NOD1: variants seen among roughly 807,000 people sequenced by gnomAD.
NOD1 encodes the protein nucleotide binding oligomerization domain containing 1.
NOD1 carries 70 observed loss-of-function variants against 81.2 expected under a neutral mutation model. The observed-to-expected ratio is 0.86, with a 90% CI of 0.71 to 1.05. The LOEUF (loss-of-function observed/expected upper bound fraction) is 1.05. Among genes scored for constraint, NOD1 ranks in the 50% least tolerant of loss-of-function variants. The pLI, the probability that NOD1 is intolerant of heterozygous loss-of-function variation, is 0.00. For synonymous variants in NOD1, 508 were observed against 526.9 expected (o/e 0.96, Z 0.49); for missense variants, 1,233 against 1,228.0 (o/e 1.00, Z -0.06).
chr7:30,470,780 G>C (rs1378120576), intron 1 of NOD1, among the ~76,000 whole-genome samples: 4 of 152,078 alleles, frequency 2.6e-5, no homozygotes, highest in African/African-American at 9.7e-5. Context: ...ATCTCTGAGG[G>C]GCCAGTGAAT....
chr7:30,448,046 C>T (rs1785292118), intron 7 of NOD1: 1 of 491,758 alleles, frequency 2.0e-6, no homozygotes, highest in Non-Finnish European at 3.6e-6. Flanking sequence ...CGTTGCATCC[C>T]CCAATAACCA....
chr7:30,447,303 A>G lies in NOD1; in HGVS notation c.2286-253T>C, dbSNP rs545512980. The G allele has an allele frequency of 9.1e-4, 481 of 531,020 alleles. 2 individuals carry two copies. Among genetic ancestry groups the G allele is most frequent in the South Asian group, 6.8e-3 (341 of 50,396 alleles). The allele number at this position is 531,020 out of a possible 1,614,324, so 32.9% of individuals were successfully genotyped here. The stretch of plus-strand genomic sequence containing the variant: ...CTCAGTTTCTCCATCTGTAATACAG[A>G]GGTAATGATGATAGTCCCCTTGCAG... On this transcript the variant is annotated intron_variant, in intron 7 of 13. Coordinates refer to ENST00000222823, the MANE Select transcript of NOD1 (RefSeq NM_006092.4).
intron 2 of NOD1, 81 bp downstream of exon 2, chr7:30,459,820 G>A (rs1052850910): frequency 1.3e-5 from 2 of 152,626 alleles, no homozygotes; most frequent in Non-Finnish European, 2.9e-5. Flanking sequence ...TTAGAAAGCT[G>A]GGAAGGGGTG....
At chr7:30,437,015 A>T (rs534970235) in intron 10 of NOD1, among the ~76,000 whole-genome samples, 4 of 152,224 alleles carry the variant, frequency 2.6e-5, no homozygotes, top group Non-Finnish European at 5.9e-5. Context: ...AAAATGTGGC[A>T]CATACACACT....
chr7:30,438,186 C>G (rs567284942), intron 9 of NOD1, among the ~76,000 whole-genome samples: 1 of 152,198 alleles, frequency 6.6e-6, no homozygotes, highest in Non-Finnish European at 1.5e-5. Flanking sequence ...GAGGACGTTA[C>G]CCAACCAAGC....
At position 30,451,875 on chromosome 7, in the gene NOD1, C is replaced by T. The variant is rs1785758271; in HGVS notation, c.1542G>A (p.Glu514=). 5.0e-6 allele frequency: 8 copies of T among 1,613,734 alleles called. No individual in the cohort carries two copies. In the East Asian group the frequency reaches 6.7e-5, roughly 13 times the overall value. ...AGGCCTGGAGGGTGAGGTGGAAAAA[C>T]TCATAGGACTGCTGGTCACCCCCGG... The part of the protein sequence containing the change: ...LGPGGDQQSY[E]FFHLTLQAFF... The change falls in exon 6 of 14, where the codon GAG becomes GAA. Residue 514 remains glutamate (E), a synonymous_variant. Transcript: ENST00000222823. The surrounding 1 kb of genome is among the most constrained non-coding windows in gnomAD (Gnocchi z 4.2).
intron 9 of NOD1, among the ~76,000 whole-genome samples, chr7:30,438,182 G>A (rs1163307852): frequency 1.3e-5 from 2 of 152,194 alleles, no homozygotes; most frequent in Admixed American, 6.5e-5. Context: ...TAAAGAGGAC[G>A]TTACCCAACC....
At chr7:30,461,305 G>A (rs759222588) in intron 1 of NOD1, among the ~76,000 whole-genome samples, 2 of 152,036 alleles carry the variant, frequency 1.3e-5, no homozygotes, top group South Asian at 4.1e-4. Flanking sequence ...CGCCTCCTAA[G>A]TAGCTGGGAT....
rs76812027 is a variant in NOD1 at position 30,437,826 on chromosome 7, G to T, written c.2454-170C>A. Among the ~76,000 whole-genome samples the T allele has an allele frequency of 3.5e-3, 528 of 152,316 alleles. 4 individuals carry two copies. The highest frequency in any genetic ancestry group is 0.012 in the African/African-American group (495 of 41,566). Reference sequence around the variant, plus strand: ...AATTCCTCACACTGGTCTCTGAGTGGGCTGCTCTGGATTTCAAATTCAAGG... The same window carrying T: ...AATTCCTCACACTGGTCTCTGAGTGTGCTGCTCTGGATTTCAAATTCAAGG... On this transcript the variant is annotated intron_variant, in intron 9 of 13. Transcript: ENST00000222823.
chr7:30,456,837 G>C lies in NOD1; in HGVS notation c.85C>G (p.Leu29Val), dbSNP rs1786432916. The C allele has an allele frequency of 6.2e-7, 1 of 1,614,160 alleles. No individual in the cohort carries two copies. Among genetic ancestry groups the C allele is most frequent in the South Asian group, 1.1e-5 (1 of 91,084 alleles). The change falls in exon 4 of 14, where the codon CTT becomes GTT. Residue 29 changes from leucine (L) to valine (V), a missense_variant. Physicochemically the swap from Leu to Val is conservative, Grantham distance 32. Coordinates refer to ENST00000222823, the MANE Select transcript of NOD1 (RefSeq NM_006092.4). ...GTATTGCGGATGTGAGTGACCAGAA[G>C]TTCCCGATTGCTTTTCAGTAATTGA... ...HIQLLKSNRE[L>V]LVTHIRNTQC...
rs1784729903 is a variant in NOD1, at chr7:30,439,611, A to C, written c.2454-1955T>G. Among the ~76,000 whole-genome samples, 4 of 83,010 alleles carry C rather than the reference A, an allele frequency of 4.8e-5. No individual in the cohort carries two copies. The South Asian group carries it at 2.0e-3, about 42-fold the overall frequency. 54.5% of individuals were successfully genotyped at this position (83,010 alleles called of 152,430 possible). A position where few individuals can be genotyped will look rare whatever the true frequency, so the allele number is the denominator to read the frequency against. ...ACCTGGCTCAGAGGGTCCTACGCCC[A>C]CGGAATCTCGCTGATTGCTAGCACA... is the stretch of plus-strand genomic sequence containing the variant. On this transcript the variant is annotated intron_variant, in intron 9 of 13. Coordinates refer to ENST00000222823, the MANE Select transcript of NOD1 (RefSeq NM_006092.4).
intron 5 of NOD1, among the ~76,000 whole-genome samples, chr7:30,453,478 G>A (rs776518497): frequency 2.0e-5 from 3 of 152,062 alleles, no homozygotes; most frequent in African/African-American, 7.2e-5. Context: ...CTCAGGCTAG[G>A]GTGCAGTGAC....
intron 10 of NOD1, among the ~76,000 whole-genome samples, chr7:30,437,227 G>A (rs559844371): frequency 1.3e-5 from 2 of 152,060 alleles, no homozygotes; most frequent in South Asian, 2.1e-4. Flanking sequence ...CCTGTTGGGG[G>A]TGGGGGGCAA....
chr7:30,425,685 C>T lies in NOD1; in HGVS notation c.2815G>A (p.Glu939Lys). The T allele has an allele frequency of 1.2e-6, 2 of 1,613,782 alleles. No homozygotes were observed. The highest frequency in any genetic ancestry group is 2.2e-5 in the East Asian group (1 of 44,880). The change falls in exon 14 of 14, where the codon GAG becomes AAG. Residue 939 changes from glutamate to lysine, a missense_variant. By Grantham distance (56) the Glu-to-Lys change is moderately conservative. Coordinates refer to ENST00000222823, the MANE Select transcript of NOD1 (RefSeq NM_006092.4). ...ICLNGNLIKP[E>K]EAKVYEDEKR... ...TCATCTTCATAGACTTTGGCCTCCT[C>T]TGGTTTTATCAGGTTTCCATTTAGG...
intron 1 of NOD1, among the ~76,000 whole-genome samples, chr7:30,473,994 T>C (rs1788525794): frequency 6.6e-6 from 1 of 152,192 alleles, no homozygotes; most frequent in Non-Finnish European, 1.5e-5. Flanking sequence ...TAGACCAGTG[T>C]GGGACACAGG....
At chr7:30,449,095 G>A (rs1479316348) in intron 6 of NOD1, among the ~76,000 whole-genome samples, 1 of 152,172 alleles carries the variant, frequency 6.6e-6, no homozygotes, top group Non-Finnish European at 1.5e-5. Flanking sequence ...GTATGGCTGC[G>A]TTCCAATAAA....
chr7:30,438,572 C>T (rs1784588844), intron 9 of NOD1, among the ~76,000 whole-genome samples: 1 of 152,232 alleles, frequency 6.6e-6, no homozygotes, highest in Non-Finnish European at 1.5e-5. Context: ...AACACAATGG[C>T]AGCTGCCTCA....
At chr7:30,448,531 G>A (rs1785355354) in intron 6 of NOD1, 150 bp from the exon 7 acceptor site, 1 of 684,558 alleles carries the variant, frequency 1.5e-6, no homozygotes, top group Admixed American at 2.5e-5. Context: ...CAGCCAAATA[G>A]CCCCTTACAA....
At chr7:30,445,989 G>A (rs111965844) in intron 9 of NOD1, 152 bp downstream of exon 9, 2 of 669,850 alleles carry the variant, frequency 3.0e-6, no homozygotes, top group African/African-American at 3.6e-5. Context: ...CACGGTTTCA[G>A]TTTCGCAGCA....
Sources: gnomAD v4.1 joint callset for allele counts (sites outside exome capture counted in the v4.1 genomes callset) on GRCh38, gnomAD v4.1.1 for gene constraint, Gnocchi (gnomAD v3.1) non-coding constraint, MANE v1.5 for transcripts, NCBI Gene and HGNC (gene_info 2026-07-23, HGNC 2026-07-21) for gene names.